Variants in PXDNL observed in about 807,000 individuals in gnomAD.
The protein encoded by PXDNL is peroxidasin like.
A neutral mutation model predicts 150.8 loss-of-function variants in PXDNL; 145 were observed. The ratio of observed to expected loss-of-function variants is 0.96; its 90% CI spans 0.84 to 1.10. PXDNL has a LOEUF of 1.10. Among genes scored for constraint, PXDNL ranks in the 50% least tolerant of loss-of-function variants. The pLI, the probability that PXDNL is intolerant of heterozygous loss-of-function variation, is 0.00. For missense variants in PXDNL, 2,087 were observed against 1,873.9 expected, an observed-to-expected ratio of 1.11 and a Z score of -2.10; for synonymous variants, 757 against 725.7, an observed-to-expected ratio of 1.04 and a Z score of -0.69.
intron 3 of PXDNL, among the ~76,000 whole-genome samples, chr8:51,562,829 C>T (rs1240680306): frequency 1.3e-5 from 2 of 151,926 alleles, no homozygotes; most frequent in African/African-American, 2.4e-5. Context: ...AGGCATAAAA[C>T]TAACCTGACA....
chr8:51,719,280 A>G (rs1816679718), intron 1 of PXDNL, among the ~76,000 whole-genome samples: 1 of 152,208 alleles, frequency 6.6e-6, no homozygotes, highest in Admixed American at 6.5e-5. Context: ...AGGAGACTCC[A>G]TTTTGTTCTG....
intron 2 of PXDNL, among the ~76,000 whole-genome samples, chr8:51,594,177 C>T (rs79734914): frequency 0.015 from 2,268 of 152,240 alleles, 57 homozygotes; most frequent in African/African-American, 0.05. Context: ...ATAAACTATA[C>T]GTGTGTATAC....
intron 2 of PXDNL, among the ~76,000 whole-genome samples, chr8:51,636,504 G>A (rs572497990): frequency 2.6e-5 from 4 of 152,110 alleles, no homozygotes; most frequent in Middle Eastern, 3.4e-3. Context: ...ACACTTGCAG[G>A]TACAAAGTCA....
chr8:51,556,242 C>T (rs1812597448), intron 4 of PXDNL, among the ~76,000 whole-genome samples: 1 of 151,604 alleles, frequency 6.6e-6, no homozygotes, highest in Non-Finnish European at 1.5e-5. Context: ...CCAGTCTGGG[C>T]AACAGAGAGA....
chr8:51,601,457 C>G (rs969266625), intron 2 of PXDNL, among the ~76,000 whole-genome samples: 3 of 151,986 alleles, frequency 2.0e-5, no homozygotes, highest in Admixed American at 6.6e-5. Flanking sequence ...GAAGTGAACC[C>G]TTGGTCATTA....
At chr8:51,748,242 A>G (rs996043097) in intron 1 of PXDNL, among the ~76,000 whole-genome samples, 1 of 152,242 alleles carries the variant, frequency 6.6e-6, no homozygotes, top group South Asian at 2.1e-4. Flanking sequence ...GATTCTCTAA[A>G]TAACAAGTTA....
rs1257596630 is a variant in PXDNL, at chr8:51,517,149, TA to T, written c.381-17380del. Among the ~76,000 whole-genome samples the T allele has an allele frequency of 2.0e-5, 3 of 152,294 alleles. No individual in the cohort carries two copies. In the East Asian group the frequency reaches 5.8e-4, roughly 29 times the overall value. Reference sequence around the variant, plus strand: ...ATTATATTTGCCCGGATAACTTTTTTAAAAAATCTAGATTTTTTAGATTTTG... The same window carrying T: ...ATTATATTTGCCCGGATAACTTTTTTAAAAATCTAGATTTTTTAGATTTTG... On this transcript the variant is annotated intron_variant, in intron 4 of 22. Coordinates refer to ENST00000356297, the MANE Select transcript of PXDNL (RefSeq NM_144651.5).
At chr8:51,571,621 A>C (rs1812946953) in intron 3 of PXDNL, among the ~76,000 whole-genome samples, 1 of 151,892 alleles carries the variant, frequency 6.6e-6, no homozygotes, top group Non-Finnish European at 1.5e-5. Context: ...ACACATTTTT[A>C]GAACATTCTT....
chr8:51,780,249 A>T (rs2037397531), intron 1 of PXDNL, among the ~76,000 whole-genome samples: 1 of 152,186 alleles, frequency 6.6e-6, no homozygotes, highest in Non-Finnish European at 1.5e-5. Flanking sequence ...CCCTCCTAGG[A>T]CCTGCTGATT....
chr8:51,638,100 T>TA (rs1197309348), intron 2 of PXDNL, among the ~76,000 whole-genome samples: 2 of 152,110 alleles, frequency 1.3e-5, no homozygotes, highest in Non-Finnish European at 2.9e-5. Context: ...CCAGCCAAAC[T>TA]AGCTTCATAA....
intron 17 of PXDNL, among the ~76,000 whole-genome samples, chr8:51,396,397 C>A (rs566486715): frequency 2.6e-5 from 4 of 152,350 alleles, no homozygotes; most frequent in Non-Finnish European, 5.9e-5. Context: ...GCCTGTGTCT[C>A]CACATGACTC....
chr8:51,584,969 C>T (rs1050382256), intron 3 of PXDNL, among the ~76,000 whole-genome samples: 14 of 151,960 alleles, frequency 9.2e-5, no homozygotes, highest in Non-Finnish European at 1.8e-4. Flanking sequence ...CAGCACAATG[C>T]GGGTAGATTG....
intron 1 of PXDNL, among the ~76,000 whole-genome samples, chr8:51,756,175 C>T (rs923452012): frequency 1.3e-5 from 2 of 152,088 alleles, no homozygotes; most frequent in Admixed American, 6.6e-5. Flanking sequence ...GGGCAGATCA[C>T]TTAAGGTCAG....
chr8:51,483,825 T>C, intron 5 of PXDNL, 111 bp from the exon 6 acceptor site: 1 of 658,222 alleles, frequency 1.5e-6, no homozygotes, highest in Non-Finnish European at 2.6e-6. Flanking sequence ...AATATTTCAG[T>C]GAGAAAGGGC....
intron 1 of PXDNL, among the ~76,000 whole-genome samples, chr8:51,802,991 C>T (rs1359448843): frequency 6.6e-6 from 1 of 152,224 alleles, no homozygotes; most frequent in Admixed American, 6.5e-5. Context: ...CAAAGGAATA[C>T]ATTTACAAAA....
chr8:51,536,191 G>A (rs1812073894), intron 4 of PXDNL, among the ~76,000 whole-genome samples: 1 of 152,328 alleles, frequency 6.6e-6, no homozygotes, highest in South Asian at 2.1e-4. Context: ...AAAACGAGGA[G>A]GCTAGAGCCG....
chr8:51,706,721 C>T (rs1816386855), intron 1 of PXDNL, among the ~76,000 whole-genome samples: 1 of 152,146 alleles, frequency 6.6e-6, no homozygotes, highest in Non-Finnish European at 1.5e-5. Flanking sequence ...TTCAAAGATT[C>T]CCTCAGAAAA....
chr8:51,372,186 C>A, intron 18 of PXDNL, 105 bp from the exon 19 acceptor site: 1 of 716,052 alleles, frequency 1.4e-6, no homozygotes, highest in South Asian at 1.9e-5. Context: ...ACATAAAAGA[C>A]GCATACTGAA....
intron 17 of PXDNL, among the ~76,000 whole-genome samples, chr8:51,376,470 C>G (rs1807312119): frequency 6.6e-6 from 1 of 152,078 alleles, no homozygotes; most frequent in South Asian, 2.1e-4. Flanking sequence ...TTGTTTCCTC[C>G]TGTTTCAATT....
Sources: gnomAD v4.1 joint callset for allele counts (sites outside exome capture counted in the v4.1 genomes callset) on GRCh38, gnomAD v4.1.1 for gene constraint, MANE v1.5 for transcripts, NCBI Gene and HGNC (gene_info 2026-07-23, HGNC 2026-07-21) for gene names.